The following FBXW12 variants were observed in gnomAD, a reference collection of about 807,000 sequenced individuals.
FBXW12 encodes the protein F-box/WD repeat-containing protein 12.
FBXW12 carries 43 observed loss-of-function variants against 55.3 expected under a neutral mutation model. The observed-to-expected ratio is 0.78, with a 90% CI of 0.61 to 1.00. The LOEUF (loss-of-function observed/expected upper bound fraction) is 1.00, where lower values mean the gene tolerates loss of function less well. FBXW12 is among the 50% of genes least tolerant of loss of function. The pLI is 0.00. For missense variants in FBXW12, 524 were observed against 560.5 expected (o/e 0.93, Z 0.66); for synonymous variants, 184 against 203.8 (o/e 0.90, Z 0.83).
chr3:48,379,121 T>C (rs777704752), intron 6 of FBXW12, among the ~76,000 whole-genome samples: 8 of 152,184 alleles, frequency 5.3e-5, no homozygotes, highest in Non-Finnish European at 1.0e-4. Context: ...TTGGGGACAG[T>C]TGAGGGAGAA....
At chr3:48,393,431 A>G (rs1236270197) in intron 10 of FBXW12, among the ~76,000 whole-genome samples, 4 of 152,184 alleles carry the variant, frequency 2.6e-5, no homozygotes, top group African/African-American at 9.7e-5. Flanking sequence ...GGGATGGTCA[A>G]CAGGGTACTA....
At position 48,373,724 on chromosome 3, in the gene FBXW12, T is replaced by C. The variant is rs757355701; in HGVS notation, c.286+19T>C. On this transcript the variant is annotated intron_variant, in intron 4 of 10. Coordinates refer to ENST00000296438, the MANE Select transcript of FBXW12 (RefSeq NM_207102.2). ...AACATCGGTATGGGTATAGGTGCCC[T>C]AGAGGAACATGAGCAGCTTGTTTTC... The C allele has an allele frequency of 6.3e-7, 1 of 1,599,950 alleles. No homozygotes were observed. Among genetic ancestry groups the C allele is most frequent in the Non-Finnish European group, 8.6e-7 (1 of 1,168,928 alleles).
Position 48,372,314 on chromosome 3 carries a change from T to A in FBXW12, c.-91T>A. ...TGAGCCCCACTCACCAGATTCAAGA[T>A]CCCAAGGTAGGCACAGACACAGGGC... is the stretch of plus-strand genomic sequence containing the variant. On this transcript the variant is annotated 5_prime_UTR_variant, in exon 1 of 11. Transcript: ENST00000296438. The A allele has an allele frequency of 6.4e-7, 1 of 1,552,148 alleles. No homozygotes were observed. The highest frequency in any genetic ancestry group is 1.4e-5 in the African/African-American group (1 of 73,120).
chr3:48,378,580 G>T (rs2036718995), intron 6 of FBXW12, 54 bp downstream of exon 6: 12 of 1,308,700 alleles, frequency 9.2e-6, no homozygotes, highest in Admixed American at 3.5e-5. Context: ...CTGTTGTCTT[G>T]TCAGGCATCC....
At chr3:48,382,833 T>C (rs1019263954) in intron 10 of FBXW12, among the ~76,000 whole-genome samples, 4 of 152,232 alleles carry the variant, frequency 2.6e-5, no homozygotes, top group African/African-American at 9.6e-5. Flanking sequence ...TGCTAGTCAT[T>C]ATACTGCTTA....
At position 48,394,625 on chromosome 3, in the gene FBXW12, C is replaced by T. The variant is rs996239584; in HGVS notation, c.1361C>T (p.Ser454Phe). The change falls in exon 11 of 11, where the codon TCC (serine) becomes TTC (phenylalanine). Residue 454 changes from serine to phenylalanine, a missense_variant. Coordinates refer to ENST00000296438, the MANE Select transcript of FBXW12 (RefSeq NM_207102.2). ...IVLRVRKVSD[S>F]SILVMYSLNT The stretch of plus-strand genomic sequence containing the variant: ...CTTAGGGTGAGGAAAGTAAGTGACT[C>T]CAGCATTCTGGTGATGTATTCTTTG... 1 of 1,604,550 alleles carries T rather than the reference C, an allele frequency of 6.2e-7. No homozygotes were observed.
intron 1 of FBXW12, 159 bp from the exon 2 acceptor site, chr3:48,372,525 A>G: frequency 9.8e-7 from 1 of 1,018,868 alleles, no homozygotes; most frequent in South Asian, 1.7e-5. Flanking sequence ...TCCTCTAAAC[A>G]ATGAACAGCA....
At chr3:48,383,513 A>G (rs1340066962) in intron 10 of FBXW12, among the ~76,000 whole-genome samples, 1 of 152,158 alleles carries the variant, frequency 6.6e-6, no homozygotes, top group Non-Finnish European at 1.5e-5. Context: ...GGGTTTGCAA[A>G]TATTTTCTCC....
intron 6 of FBXW12, 77 bp from the exon 7 acceptor site, chr3:48,379,323 C>A: frequency 7.4e-7 from 1 of 1,347,428 alleles, no homozygotes; most frequent in Non-Finnish European, 1.1e-6. Flanking sequence ...TATCTTGCAG[C>A]TCATAGTGCT....
chr3:48,389,845 C>T (rs897939080), intron 10 of FBXW12, among the ~76,000 whole-genome samples: 1 of 152,138 alleles, frequency 6.6e-6, no homozygotes, highest in Admixed American at 6.5e-5. Flanking sequence ...TACATCTAAA[C>T]CTTTAATCTG....
rs184490751 is a variant in FBXW12 at position 48,372,270 on chromosome 3, C to A, written c.-135C>A. 4.5e-6 allele frequency: 7 copies of A among 1,552,054 alleles called. No homozygotes were observed. In the African/African-American group the frequency reaches 8.2e-5, roughly 18 times the overall value. Reference sequence around the variant, plus strand: ...ATGCGAGAAGGTAGAAACCCAGAGGCCATGCTGGCGCTGAGAGATGAGCCC... The same window carrying A: ...ATGCGAGAAGGTAGAAACCCAGAGGACATGCTGGCGCTGAGAGATGAGCCC... On this transcript the variant is annotated 5_prime_UTR_variant, in exon 1 of 11. Transcript: ENST00000296438.
intron 5 of FBXW12, among the ~76,000 whole-genome samples, chr3:48,375,706 G>A (rs1449944512): frequency 6.6e-6 from 1 of 152,054 alleles, no homozygotes; most frequent in Non-Finnish European, 1.5e-5. Flanking sequence ...ACTGAGTCTC[G>A]CTCTGTTCCC....
chr3:48,392,770 AT>A (rs1336452839), intron 10 of FBXW12, among the ~76,000 whole-genome samples: 1 of 152,130 alleles, frequency 6.6e-6, no homozygotes, highest in Non-Finnish European at 1.5e-5. Context: ...AAATCTCTAT[AT>A]CTCTCTAGAT....
chr3:48,389,915 T>C (rs1013140706), intron 10 of FBXW12, among the ~76,000 whole-genome samples: 1 of 152,218 alleles, frequency 6.6e-6, no homozygotes, highest in Admixed American at 6.5e-5. Flanking sequence ...CTTCTACATA[T>C]GGCTAGTCAG....
Position 48,372,276 on chromosome 3 carries a change from T to C in FBXW12, c.-129T>C, listed in dbSNP as rs1474429745. 1.3e-6 allele frequency: 2 copies of C among 1,552,216 alleles called. No homozygotes were observed. The highest frequency in any genetic ancestry group is 1.7e-6 in the Non-Finnish European group (2 of 1,147,094). The stretch of plus-strand genomic sequence containing the variant: ...GAAGGTAGAAACCCAGAGGCCATGC[T>C]GGCGCTGAGAGATGAGCCCCACTCA... On this transcript the variant is annotated 5_prime_UTR_variant, in exon 1 of 11. Transcript: ENST00000296438.
intron 7 of FBXW12, 185 bp downstream of exon 7, chr3:48,379,743 T>C (rs993070175): frequency 5.3e-6 from 3 of 562,948 alleles, no homozygotes; most frequent in East Asian, 6.0e-5. Flanking sequence ...ATCCAGTTGC[T>C]GTGGCAAATG....
intron 10 of FBXW12, among the ~76,000 whole-genome samples, chr3:48,386,605 T>C (rs1170466249): frequency 6.6e-6 from 1 of 152,222 alleles, no homozygotes; most frequent in Non-Finnish European, 1.5e-5. Context: ...ACAATATTCT[T>C]CCAATCCATG....
chr3:48,389,355 T>C (rs1245961368), intron 10 of FBXW12, among the ~76,000 whole-genome samples: 2 of 152,198 alleles, frequency 1.3e-5, no homozygotes, highest in African/African-American at 4.8e-5. Context: ...GTTGATAGTT[T>C]CTTTTGCTGT....
At chr3:48,390,042 T>G (rs1167757878) in intron 10 of FBXW12, among the ~76,000 whole-genome samples, 1 of 152,234 alleles carries the variant, frequency 6.6e-6, no homozygotes, top group Non-Finnish European at 1.5e-5. Flanking sequence ...TTCTCTATTC[T>G]GTTCCTTGAA....
Sources: allele counts gnomAD v4.1 joint callset (sites outside exome capture counted in the v4.1 genomes callset), GRCh38; gene constraint gnomAD v4.1.1; transcripts MANE v1.5; gene names NCBI Gene and HGNC (gene_info 2026-07-23, HGNC 2026-07-21).